The following CSNK1D variants were observed in gnomAD, a reference collection of about 807,000 sequenced individuals.
The protein encoded by CSNK1D is casein kinase 1 delta.
A neutral mutation model predicts 46.6 loss-of-function variants in CSNK1D; 16 were observed. That is an observed-to-expected ratio of 0.34 (90% confidence interval 0.23 to 0.52). The LOEUF (loss-of-function observed/expected upper bound fraction) is 0.52. Ranked by LOEUF, CSNK1D falls within the 20% of genes least tolerant of loss-of-function variation. CSNK1D has a pLI of 0.95. For missense variants in CSNK1D, 398 were observed against 578.4 expected (o/e 0.69, Z 3.20); for synonymous variants, 276 against 228.2 (o/e 1.21, Z -1.89).
rs749662977 is a variant in CSNK1D at position 82,252,987 on chromosome 17, G to C, written c.565+29C>G. The C allele has an allele frequency of 2.5e-6, 4 of 1,604,886 alleles. No individual in the cohort carries two copies. In the East Asian group the frequency reaches 8.9e-5, roughly 36 times the overall value. On this transcript the variant is annotated intron_variant, in intron 4 of 8. Coordinates refer to ENST00000314028, the MANE Select transcript of CSNK1D (RefSeq NM_001893.6). This position sits in a 1 kb window ranked among gnomAD's most constrained non-coding sequence, Gnocchi z 4.6. ...CATGGACGCGCCCAAAGGCACCCCA[G>C]GTCAGTGACCCCATGCCCAGGGGCT... is the stretch of plus-strand genomic sequence containing the variant.
Position 82,250,964 on chromosome 17 carries a change from G to C in CSNK1D, c.885+415C>G. 1 of 287,552 alleles carries C rather than the reference G, an allele frequency of 3.5e-6. No homozygotes were observed. The highest frequency in any genetic ancestry group is 6.8e-6 in the Non-Finnish European group (1 of 146,950). The allele number at this position is 287,552 out of a possible 1,614,324, so 17.8% of individuals were successfully genotyped here. On this transcript the variant is annotated intron_variant, in intron 6 of 8. Coordinates refer to ENST00000314028, the MANE Select transcript of CSNK1D (RefSeq NM_001893.6). The surrounding 1 kb of genome is among the most constrained non-coding windows in gnomAD (Gnocchi z 4.6). ...GGAAAATCAGCTCATGACAGGGTCA[G>C]TCAGGCTAGACGGGTAGCACCTCAC...
At chr17:82,260,931 G>A (rs1174238748) in intron 2 of CSNK1D, 1 of 155,192 alleles carries the variant, frequency 6.4e-6, no homozygotes, top group Non-Finnish European at 1.5e-5. Context: ...GGAGGGCAGT[G>A]GCACCATCAC....
In CSNK1D at chr17:82,248,358, G is replaced by T; in HGVS notation, c.1197+517C>A. The stretch of plus-strand genomic sequence containing the variant: ...TGGGCTGCGCAACAGGGTACTTCTC[G>T]TCCAAGGGAAGACAGGTGAGGCCGT... On this transcript the variant is annotated intron_variant, in intron 8 of 8. Transcript: ENST00000314028. This position sits in a 1 kb window ranked among gnomAD's most constrained non-coding sequence, Gnocchi z 4.1. The T allele has an allele frequency of 1.0e-6, 1 of 999,526 alleles. No homozygotes were observed. 61.9% of individuals were successfully genotyped at this position (999,526 alleles called of 1,614,324 possible).
At chr17:82,254,478 G>A (rs1301186802) in intron 3 of CSNK1D, 4 of 263,636 alleles carry the variant, frequency 1.5e-5, no homozygotes, top group South Asian at 8.7e-5. Flanking sequence ...AAGCCAGTGC[G>A]CTGAGCCGCC....
At chr17:82,269,559 A>C (rs551911395) in intron 1 of CSNK1D, among the ~76,000 whole-genome samples, 1 of 152,334 alleles carries the variant, frequency 6.6e-6, no homozygotes, top group East Asian at 1.9e-4. Context: ...ATGCTTGTGC[A>C]CATTATGAAG....
chr17:82,239,845 G>C, downstream of CSNK1D: 3 of 475,160 alleles, frequency 6.3e-6, no homozygotes, highest in Non-Finnish European at 1.0e-5. Flanking sequence ...CCCAGGGCTG[G>C]TCTTTGCACC....
At chr17:82,258,053 A>T (rs1037775495) in intron 2 of CSNK1D, among the ~76,000 whole-genome samples, 6 of 152,026 alleles carry the variant, frequency 3.9e-5, no homozygotes, top group Non-Finnish European at 1.5e-5. Context: ...AAAAAATTTT[A>T]AAAATTAGCT....
rs746370507 is a variant in CSNK1D at position 82,249,572 on chromosome 17, G to A, written c.916C>T (p.Arg306Trp). ...GASRAADDAE[R>W]ERRDREERLR... is the part of the protein sequence containing the mutation. ...CGCTCCTCTCGGTCCCTGCGCTCCC[G>A]CTCGGCGTCATCGGCGGCCCGGCTG... Residue 306 changes from arginine to tryptophan, a missense_variant, in exon 7 of 9, where the codon CGG becomes TGG. Physicochemically the swap from Arg to Trp is moderately radical, Grantham distance 101. Transcript: ENST00000314028. The surrounding 1 kb of genome is among the most constrained non-coding windows in gnomAD (Gnocchi z 6.7). 3.5e-5 allele frequency: 55 copies of A among 1,557,010 alleles called. No individual in the cohort carries two copies. Among genetic ancestry groups the A allele is most frequent in the Non-Finnish European group, 4.7e-5 (54 of 1,154,418 alleles).
chr17:82,266,044 C>A (rs533079306), intron 1 of CSNK1D, among the ~76,000 whole-genome samples: 1 of 152,324 alleles, frequency 6.6e-6, no homozygotes, highest in Non-Finnish European at 1.5e-5. Flanking sequence ...ATCACCCGCC[C>A]ACCAGTCTTC....
intron 1 of CSNK1D, among the ~76,000 whole-genome samples, chr17:82,270,930 T>A (rs188329926): frequency 6.6e-6 from 1 of 152,186 alleles, no homozygotes; most frequent in African/African-American, 2.4e-5. Context: ...GAGGGTAGAA[T>A]GCTGAGTGAG....
In CSNK1D at chr17:82,246,966, C is replaced by G. The variant is rs947370669; in HGVS notation, c.1197+1909G>C. 7 of 985,488 alleles carry G rather than the reference C, an allele frequency of 7.1e-6. No individual in the cohort carries two copies. In the African/African-American group the frequency reaches 1.2e-4, roughly 17 times the overall value. 61.0% of individuals were successfully genotyped at this position (985,488 alleles called of 1,614,324 possible). A position where few individuals can be genotyped will look rare whatever the true frequency, so the allele number is the denominator to read the frequency against. ...AACGGGAGCTGCTGCTCACAGCCAC[C>G]ACGTGTGCTGGTGCTGGCAGAGTCT... On this transcript the variant is annotated intron_variant, in intron 8 of 8. Coordinates refer to ENST00000314028, the MANE Select transcript of CSNK1D (RefSeq NM_001893.6).
chr17:82,241,910 A>G (rs1251087942), downstream of CSNK1D, among the ~76,000 whole-genome samples: 2 of 152,316 alleles, frequency 1.3e-5, no homozygotes, highest in East Asian at 1.9e-4. Context: ...TGGGGCTCAG[A>G]AAGCTACACC....
At position 82,273,282 on chromosome 17, in the gene CSNK1D, C is replaced by A. The variant is rs1401634786; in HGVS notation, c.76+24G>T. 28 of 1,593,348 alleles carry A rather than the reference C, an allele frequency of 1.8e-5. No homozygotes were observed. The Admixed American group carries it at 4.7e-4, about 27-fold the overall frequency. On this transcript the variant is annotated intron_variant, in intron 1 of 8. Transcript: ENST00000314028. This position sits in a 1 kb window ranked among gnomAD's most constrained non-coding sequence, Gnocchi z 5.1. ...CCGCAGGGCCCGGGTCTTCGGGCGGCGGGCGGGGGCGGCGGGGCCTCACCG... is the reference window on the plus strand; with the variant it reads ...CCGCAGGGCCCGGGTCTTCGGGCGGAGGGCGGGGGCGGCGGGGCCTCACCG...
Position 82,248,247 on chromosome 17 carries a change from A to G in CSNK1D, c.1197+628T>C. On this transcript the variant is annotated intron_variant, in intron 8 of 8. Coordinates refer to ENST00000314028, the MANE Select transcript of CSNK1D (RefSeq NM_001893.6). This position sits in a 1 kb window ranked among gnomAD's most constrained non-coding sequence, Gnocchi z 4.1. ...GCTGTTCTAGTTCAAAGAGCACGTT[A>G]GCAAACGCAAAAGACAACAAAAGCC... 1 of 986,288 alleles carries G rather than the reference A, an allele frequency of 1.0e-6. No homozygotes were observed. Among genetic ancestry groups the G allele is most frequent in the Non-Finnish European group, 1.2e-6 (1 of 830,476 alleles). The allele number at this position is 986,288 out of a possible 1,614,324, so 61.1% of individuals were successfully genotyped here. A position where few individuals can be genotyped will look rare whatever the true frequency, so the allele number is the denominator to read the frequency against.
At chr17:82,246,657 G>A in intron 8 of CSNK1D, 1 of 998,586 alleles carries the variant, frequency 1.0e-6, no homozygotes, top group Non-Finnish European at 1.2e-6. Flanking sequence ...TACAACTATG[G>A]GGGCCTCTGT....
rs868456080 is a variant in CSNK1D, at chr17:82,249,571, C to A, written c.917G>T (p.Arg306Leu). The A allele has an allele frequency of 1.3e-6, 2 of 1,556,834 alleles. No individual in the cohort carries two copies. The highest frequency in any genetic ancestry group is 2.3e-5 in the East Asian group (1 of 42,688). The stretch of plus-strand genomic sequence containing the variant: ...CCGCTCCTCTCGGTCCCTGCGCTCC[C>A]GCTCGGCGTCATCGGCGGCCCGGCT... ...GASRAADDAE[R>L]ERRDREERLR... Residue 306 changes from arginine to leucine, a missense_variant, in exon 7 of 9, where the codon CGG becomes CTG. Arg to Leu is a moderately radical substitution (Grantham distance 102). This residue lies in a region of CSNK1D where 181 missense variants were observed against 208.0 expected (regional missense o/e 0.87). Coordinates refer to ENST00000314028, the MANE Select transcript of CSNK1D (RefSeq NM_001893.6). This position sits in a 1 kb window ranked among gnomAD's most constrained non-coding sequence, Gnocchi z 6.7.
At position 82,249,552 on chromosome 17, in the gene CSNK1D, C is replaced by T; in HGVS notation, c.936G>A (p.Glu312=). 1 of 1,549,736 alleles carries T rather than the reference C, an allele frequency of 6.5e-7. No homozygotes were observed. The highest frequency in any genetic ancestry group is 8.7e-7 in the Non-Finnish European group (1 of 1,149,890). The change falls in exon 7 of 9, where the codon GAG becomes GAA. Residue 312 remains glutamate, a synonymous_variant. Transcript: ENST00000314028. The surrounding 1 kb of genome is among the most constrained non-coding windows in gnomAD (Gnocchi z 6.7). Reference sequence around the variant, plus strand: ...GGTTCCGCGAGTGTCTCAGCCGCTCCTCTCGGTCCCTGCGCTCCCGCTCGG... The same window carrying T: ...GGTTCCGCGAGTGTCTCAGCCGCTCTTCTCGGTCCCTGCGCTCCCGCTCGG... The part of the protein sequence containing the change: ...DDAERERRDR[E]ERLRHSRNPA...
At chr17:82,239,952 C>A (rs1318195141), downstream of CSNK1D, 1 of 1,224,740 alleles carries the variant, frequency 8.2e-7, no homozygotes. Context: ...TGGCTGGGAG[C>A]CCGGTCAGAG....
chr17:82,252,387 C>G lies in CSNK1D; in HGVS notation c.736+47G>C. ...CGTCTCGGCACACCCGACACATATGCAACCCCTGTGAGCAGCTCCGCTGAG... is the reference window on the plus strand; with the variant it reads ...CGTCTCGGCACACCCGACACATATGGAACCCCTGTGAGCAGCTCCGCTGAG... On this transcript the variant is annotated intron_variant, in intron 5 of 8. Transcript: ENST00000314028. The surrounding 1 kb of genome is among the most constrained non-coding windows in gnomAD (Gnocchi z 4.6). 4 of 1,608,830 alleles carry G rather than the reference C, an allele frequency of 2.5e-6. No homozygotes were observed. The highest frequency in any genetic ancestry group is 3.4e-6 in the Non-Finnish European group (4 of 1,175,524).
Sources: gnomAD v4.1 joint callset for allele counts (sites outside exome capture counted in the v4.1 genomes callset) on GRCh38, gnomAD v4.1.1 for gene constraint, gnomAD v4.1.1 regional missense constraint, Gnocchi (gnomAD v3.1) non-coding constraint, MANE v1.5 for transcripts, NCBI Gene and HGNC (gene_info 2026-07-23, HGNC 2026-07-21) for gene names.